The following CCND3 variants were observed in gnomAD, a reference collection of about 807,000 sequenced individuals.
The protein encoded by CCND3 is G1/S-specific cyclin-D3.
A neutral mutation model predicts 28.7 loss-of-function variants in CCND3; 9 were observed. The observed-to-expected ratio is 0.31, with a 90% CI of 0.19 to 0.55. The LOEUF is 0.55. CCND3 is among the 20% of genes least tolerant of loss of function. CCND3 has a pLI of 0.93. For synonymous variants in CCND3, 164 were observed against 163.9 expected (o/e 1.00, Z 0.00); for missense variants, 315 against 385.8 (o/e 0.82, Z 1.54).
chr6:41,967,953 A>T (rs1002412514), intron 1 of CCND3, among the ~76,000 whole-genome samples: 2 of 152,180 alleles, frequency 1.3e-5, no homozygotes, highest in African/African-American at 4.8e-5. Context: ...TGCACCCAGG[A>T]TTTTGTAATA....
chr6:42,002,448 A>AG (rs1763038540), intron 1 of CCND3, among the ~76,000 whole-genome samples: 1 of 151,626 alleles, frequency 6.6e-6, no homozygotes, highest in Non-Finnish European at 1.5e-5. Context: ...TCAAAAAAAA[A>AG]AAAAACTATG....
At chr6:41,987,517 CTGTGTGTGTGTGTGTGTG>C (rs139188810) in intron 1 of CCND3, among the ~76,000 whole-genome samples, 2 of 60,258 alleles carry the variant, frequency 3.3e-5, no homozygotes, top group East Asian at 4.9e-4. Flanking sequence ...CTCTCTCTCT[CTGTGTGTGTGTGTGTGTG>C]TGTGTGTGTG....
At chr6:41,956,026 G>T (rs1776427231) in intron 1 of CCND3, among the ~76,000 whole-genome samples, 2 of 152,204 alleles carry the variant, frequency 1.3e-5, no homozygotes, top group Non-Finnish European at 2.9e-5. Flanking sequence ...GGGCGTGGTG[G>T]CTCACGCCTA....
intron 1 of CCND3, among the ~76,000 whole-genome samples, chr6:41,984,002 AGAGT>A (rs1762414188): frequency 6.6e-6 from 1 of 152,078 alleles, no homozygotes; most frequent in East Asian, 1.9e-4. Context: ...TCTACTCCCA[AGAGT>A]TTGACTTTTT....
intron 1 of CCND3, among the ~76,000 whole-genome samples, chr6:42,008,686 G>A (rs1416986594): frequency 2.0e-5 from 3 of 152,148 alleles, no homozygotes; most frequent in African/African-American, 7.2e-5. Context: ...GTCTGGAAAG[G>A]GTCTATGTGC....
At chr6:42,013,199 G>C (rs56056026) in intron 1 of CCND3, among the ~76,000 whole-genome samples, 14,685 of 152,208 alleles carry the variant, frequency 0.096, 958 homozygotes, top group East Asian at 0.27. Context: ...GAGGGAACAT[G>C]ATCTCCCAAG....
At chr6:42,039,922 G>A (rs1764320570) in intron 1 of CCND3, among the ~76,000 whole-genome samples, 1 of 152,210 alleles carries the variant, frequency 6.6e-6, no homozygotes, top group African/African-American at 2.4e-5. Context: ...CTTGCCCGGG[G>A]GGATTCGTGT....
At chr6:42,030,199 G>C (rs555883499) in intron 1 of CCND3, 1 of 152,406 alleles carries the variant, frequency 6.6e-6, no homozygotes, top group Non-Finnish European at 1.5e-5. Flanking sequence ...AGCTGGTATG[G>C]GGGTAGCACA....
chr6:42,029,674 C>T (rs1281135462), intron 1 of CCND3, among the ~76,000 whole-genome samples: 1 of 151,906 alleles, frequency 6.6e-6, no homozygotes. Flanking sequence ...CCCATCTGTA[C>T]TGAAAATACA....
chr6:41,979,643 CTA>C (rs869055561), intron 1 of CCND3, among the ~76,000 whole-genome samples: 2 of 86,638 alleles, frequency 2.3e-5, no homozygotes, highest in African/African-American at 4.0e-5. Flanking sequence ...CTCTCTCTCT[CTA>C]TATATATATA....
Position 41,972,227 on chromosome 6 carries a change from C to CA in CCND3, c.-45-31643dup, listed in dbSNP as rs56250051. Among the ~76,000 whole-genome samples the CA allele has an allele frequency of 2.5e-3, 277 of 113,026 alleles. 1 individual carries two copies. The highest frequency in any genetic ancestry group is 8.8e-3 in the African/African-American group (264 of 29,886). 74.1% of individuals were successfully genotyped at this position (113,026 alleles called of 152,430 possible). A position where few individuals can be genotyped will look rare whatever the true frequency, so the allele number is the denominator to read the frequency against. ...TGGGCAACAGAGCGAGACTCCATCT[C>CA]AAAAAAAAAAAAAAAAAGAAAAGAA... On this transcript the variant is annotated intron_variant, in intron 1 of 4. Coordinates refer to the CCND3 transcript ENST00000372988.
At chr6:41,992,735 C>T (rs1762691769) in intron 1 of CCND3, among the ~76,000 whole-genome samples, 1 of 152,128 alleles carries the variant, frequency 6.6e-6, no homozygotes, top group South Asian at 2.1e-4. Flanking sequence ...GTGTGAGCCA[C>T]AACACCCAGC....
chr6:41,972,069 T>C (rs1366865280), intron 1 of CCND3, among the ~76,000 whole-genome samples: 2 of 148,380 alleles, frequency 1.3e-5, no homozygotes, highest in Non-Finnish European at 3.0e-5. Context: ...ACTAAAAAAA[T>C]ACAAAAAAAT....
intron 1 of CCND3, among the ~76,000 whole-genome samples, chr6:42,029,824 T>G (rs1302948531): frequency 3.9e-5 from 5 of 128,112 alleles, no homozygotes; most frequent in Admixed American, 1.7e-4. Flanking sequence ...GCGACAAGAG[T>G]GAAACTCTGT....
Position 41,936,725 on chromosome 6 carries a change from G to C in CCND3, c.575-30C>G, listed in dbSNP as rs755442781. 3.1e-6 allele frequency: 5 copies of C among 1,606,318 alleles called. No individual in the cohort carries two copies. The highest frequency in any genetic ancestry group is 3.4e-6 in the Non-Finnish European group (4 of 1,174,682). On this transcript the variant is annotated intron_variant, in intron 3 of 4. Coordinates refer to ENST00000372991, the MANE Select transcript of CCND3 (RefSeq NM_001760.5). The surrounding 1 kb of genome is among the most constrained non-coding windows in gnomAD (Gnocchi z 4.4). ...GAGAGGAGGAAAGGGAACCATGAGA[G>C]AAGGAAACCTGAAGGATAACGGCCA...
At chr6:42,025,563 G>C (rs1763850798) in intron 1 of CCND3, among the ~76,000 whole-genome samples, 1 of 152,162 alleles carries the variant, frequency 6.6e-6, no homozygotes, top group African/African-American at 2.4e-5. Context: ...TCCACGCCTG[G>C]TGTGAGAGGG....
At chr6:41,949,039 C>A (rs1317633609) in intron 1 of CCND3, among the ~76,000 whole-genome samples, 1 of 151,882 alleles carries the variant, frequency 6.6e-6, no homozygotes, top group Non-Finnish European at 1.5e-5. Flanking sequence ...GCCATAGATT[C>A]CCTGTTTCCC....
Position 41,993,952 on chromosome 6 carries a change from A to G in CCND3, c.-45-53367T>C, listed in dbSNP as rs28785484. On this transcript the variant is annotated intron_variant, in intron 1 of 4. Coordinates refer to the CCND3 transcript ENST00000372988. ...AAAAAAAAAAAAAAAAAAAAAAAAAAAAAAAAAAAAGAGCTATCAAGCCAT... is the reference window on the plus strand; with the variant it reads ...AAAAAAAAAAAAAAAAAAAAAAAAAGAAAAAAAAAAGAGCTATCAAGCCAT... 1.7e-3 allele frequency among the ~76,000 whole-genome samples: 82 copies of G among 47,792 alleles called. 11 individuals carry two copies. The highest frequency in any genetic ancestry group is 5.4e-3 in the African/African-American group (73 of 13,550). The allele number at this position is 47,792 out of a possible 152,430, so 31.4% of individuals were successfully genotyped here.
intron 1 of CCND3, among the ~76,000 whole-genome samples, chr6:42,023,823 G>A (rs969528111): frequency 1.3e-5 from 2 of 152,118 alleles, no homozygotes; most frequent in African/African-American, 2.4e-5. Flanking sequence ...GAATCTGTAC[G>A]TTAAGACTGA....
Sources: gnomAD v4.1 joint callset for allele counts (sites outside exome capture counted in the v4.1 genomes callset) on GRCh38, gnomAD v4.1.1 for gene constraint, Gnocchi (gnomAD v3.1) non-coding constraint, MANE v1.5 for transcripts, NCBI Gene and HGNC (gene_info 2026-07-23, HGNC 2026-07-21) for gene names.